Variants in PCDHGA2 observed in about 807,000 individuals in gnomAD.
The protein encoded by PCDHGA2 is protocadherin gamma-A2.
In PCDHGA2, 40 loss-of-function variants were observed where a neutral mutation model predicts 59.2. The observed-to-expected ratio is 0.68, with a 90% CI of 0.52 to 0.88. The LOEUF (loss-of-function observed/expected upper bound fraction) is 0.88. Among genes scored for constraint, PCDHGA2 ranks in the 40% least tolerant of loss-of-function variants. PCDHGA2 has a pLI of 0.00. For missense variants in PCDHGA2, 1,226 were observed against 1,204.0 expected (o/e 1.02, Z -0.27); for synonymous variants, 560 against 526.0 (o/e 1.06, Z -0.89).
chr5:141,491,580 G>A lies in PCDHGA2; in HGVS notation c.2425-3227G>A. 6.2e-7 allele frequency: 1 copy of A among 1,613,942 alleles called. No individual in the cohort carries two copies. Among genetic ancestry groups the A allele is most frequent in the Non-Finnish European group, 8.5e-7 (1 of 1,180,044 alleles). ...ACTGCTACAGGACGTGCTTTTCACC[G>A]GCCTCGGACGGCAGTGACTTCACTT... is the stretch of plus-strand genomic sequence containing the variant. On this transcript the variant is annotated intron_variant, in intron 1 of 3. Coordinates refer to ENST00000394576, the MANE Select transcript of PCDHGA2 (RefSeq NM_018915.4). The surrounding 1 kb of genome is among the most constrained non-coding windows in gnomAD (Gnocchi z 6.9).
In PCDHGA2 at chr5:141,432,782, C is replaced by A. The variant is rs547164205; in HGVS notation, c.2425-62025C>A. 6.2e-7 allele frequency: 1 copy of A among 1,614,164 alleles called. No homozygotes were observed. Among genetic ancestry groups the A allele is most frequent in the African/African-American group, 1.3e-5 (1 of 75,052 alleles). ...CAGCATCCCCCAAGTCCTGGCGGAC[C>A]TCGGCAGCCTCGAGTCTCCAGCTAA... On this transcript the variant is annotated intron_variant, in intron 1 of 3. Coordinates refer to ENST00000394576, the MANE Select transcript of PCDHGA2 (RefSeq NM_018915.4). This position sits in a 1 kb window ranked among gnomAD's most constrained non-coding sequence, Gnocchi z 6.0.
chr5:141,383,108 G>A, intron 1 of PCDHGA2: 2 of 1,614,020 alleles, frequency 1.2e-6, no homozygotes, highest in African/African-American at 2.7e-5. Flanking sequence ...ATCTCCAGAG[G>A]TAGGACGCAG....
chr5:141,345,183 GTTTT>G (rs758420424), intron 1 of PCDHGA2: 3 of 1,614,026 alleles, frequency 1.9e-6, no homozygotes, highest in Non-Finnish European at 2.5e-6. Context: ...GCAGGTTGAA[GTTTT>G]TGTCCTGGGA....
At chr5:141,408,615 T>A in intron 1 of PCDHGA2, 1 of 1,613,940 alleles carries the variant, frequency 6.2e-7, no homozygotes, top group Non-Finnish European at 8.5e-7. Flanking sequence ...AAAAAGGAAA[T>A]ACATTTAGAA....
chr5:141,360,738 CAG>C lies in PCDHGA2; in HGVS notation c.2424+19347_2424+19348del, dbSNP rs754230241. 7.4e-6 allele frequency: 12 copies of C among 1,613,846 alleles called. No individual in the cohort carries two copies. In the Admixed American group the frequency reaches 1.8e-4, roughly 25 times the overall value. On this transcript the variant is annotated intron_variant, in intron 1 of 3. Transcript: ENST00000394576. ...AGTTGATTCTAAAACACTCTCTGGA[CAG>C]AGAAGAGCACAGTTTACATCAATTG...
intron 1 of PCDHGA2, among the ~76,000 whole-genome samples, chr5:141,443,514 C>T (rs1386662758): frequency 6.6e-6 from 1 of 152,056 alleles, no homozygotes; most frequent in Non-Finnish European, 1.5e-5. Flanking sequence ...AAGAGCTTCT[C>T]TCCTTATGAC....
rs1261694629 is a variant in PCDHGA2, at chr5:141,355,817, C to T, written c.2424+14422C>T. 9.9e-6 allele frequency: 16 copies of T among 1,612,766 alleles called. No homozygotes were observed. Among genetic ancestry groups the T allele is most frequent in the African/African-American group, 5.3e-5 (4 of 74,906 alleles). On this transcript the variant is annotated intron_variant, in intron 1 of 3. Coordinates refer to ENST00000394576, the MANE Select transcript of PCDHGA2 (RefSeq NM_018915.4). ...CGCGCTCTAGATCGCGAGGAAGAGGCGGTTCACCACCTCGTTCTCACGGCC... is the reference window on the plus strand; with the variant it reads ...CGCGCTCTAGATCGCGAGGAAGAGGTGGTTCACCACCTCGTTCTCACGGCC...
At chr5:141,438,749 C>T (rs1238134451) in intron 1 of PCDHGA2, among the ~76,000 whole-genome samples, 3 of 149,226 alleles carry the variant, frequency 2.0e-5, no homozygotes, top group African/African-American at 4.9e-5. Context: ...GCAACCTCTG[C>T]CTCCTGGGTT....
intron 1 of PCDHGA2, chr5:141,361,846 G>A (rs1762210359): frequency 1.2e-6 from 2 of 1,612,604 alleles, no homozygotes; most frequent in African/African-American, 1.3e-5. Flanking sequence ...GGGGCCTGAT[G>A]GCTCCGCCCT....
At chr5:141,375,035 G>A (rs541605714) in intron 1 of PCDHGA2, 1 of 1,614,008 alleles carries the variant, frequency 6.2e-7, no homozygotes, top group East Asian at 2.2e-5. Flanking sequence ...TTATGAGCTG[G>A]GTGTTGAAGC....
chr5:141,489,066 C>G lies in PCDHGA2; in HGVS notation c.2425-5741C>G. The stretch of plus-strand genomic sequence containing the variant: ...CACTCAAATTCAGCTCCCCTCCCCC[C>G]TGCCCACCCCCGCCACTCGGTGACT... On this transcript the variant is annotated intron_variant, in intron 1 of 3. Transcript: ENST00000394576. This position sits in a 1 kb window ranked among gnomAD's most constrained non-coding sequence, Gnocchi z 4.5. 1 of 391,132 alleles carries G rather than the reference C, an allele frequency of 2.6e-6. No individual in the cohort carries two copies. Among genetic ancestry groups the G allele is most frequent in the South Asian group, 4.2e-5 (1 of 24,028 alleles). 24.2% of individuals were successfully genotyped at this position (391,132 alleles called of 1,614,324 possible).
At position 141,338,787 on chromosome 5, in the gene PCDHGA2, A is replaced by G; in HGVS notation, c.-185A>G. ...TCCAGCAATACGGCTCCCACAGCACAAGGGGGTGGAGGTTTGGCCCTAAAG... is the reference window on the plus strand; with the variant it reads ...TCCAGCAATACGGCTCCCACAGCACGAGGGGGTGGAGGTTTGGCCCTAAAG... On this transcript the variant is annotated 5_prime_UTR_variant, in exon 1 of 4. Transcript: ENST00000394576. The G allele has an allele frequency of 7.5e-7, 1 of 1,341,854 alleles. No individual in the cohort carries two copies. 83.1% of individuals were successfully genotyped at this position (1,341,854 alleles called of 1,614,324 possible).
rs73265845 is a variant in PCDHGA2, at chr5:141,370,729, A to T, written c.2424+29334A>T. On this transcript the variant is annotated intron_variant, in intron 1 of 3. Coordinates refer to ENST00000394576, the MANE Select transcript of PCDHGA2 (RefSeq NM_018915.4). The stretch of plus-strand genomic sequence containing the variant: ...CTGGAATTTGAAATGGTTGCTGAAA[A>T]GCCTTTAAACTTTTTTCATGTAACT... The T allele has an allele frequency of 1.5e-3, 2,398 of 1,613,868 alleles. 32 individuals are homozygous for T. In the African/African-American group the frequency reaches 0.028, roughly 19 times the overall value.
intron 1 of PCDHGA2, among the ~76,000 whole-genome samples, chr5:141,437,246 C>A (rs897787623): frequency 6.6e-6 from 1 of 152,144 alleles, no homozygotes; most frequent in Non-Finnish European, 1.5e-5. Context: ...CAAGGACTTT[C>A]CTTGTCTTTT....
At chr5:141,363,105 T>C (rs542430438) in intron 1 of PCDHGA2, among the ~76,000 whole-genome samples, 1 of 152,370 alleles carries the variant, frequency 6.6e-6, no homozygotes, top group African/African-American at 2.4e-5. Context: ...CAGGCAATGT[T>C]TGAGGTCTGA....
Position 141,477,060 on chromosome 5 carries a change from C to G in PCDHGA2, c.2425-17747C>G. On this transcript the variant is annotated intron_variant, in intron 1 of 3. Coordinates refer to ENST00000394576, the MANE Select transcript of PCDHGA2 (RefSeq NM_018915.4). The surrounding 1 kb of genome is among the most constrained non-coding windows in gnomAD (Gnocchi z 4.9). ...AAGGGTCGGCTGGACTTCGAGGACA[C>G]CAAACTCCATGAGATTTACATCCAG... The G allele has an allele frequency of 1.2e-6, 2 of 1,614,256 alleles. No individual in the cohort carries two copies. The highest frequency in any genetic ancestry group is 2.2e-5 in the South Asian group (2 of 91,086).
chr5:141,444,710 T>A (rs2098445001), intron 1 of PCDHGA2, among the ~76,000 whole-genome samples: 1 of 152,236 alleles, frequency 6.6e-6, no homozygotes, highest in Admixed American at 6.5e-5. Flanking sequence ...TTCTGTTGAA[T>A]TTGCTTGGTG....
intron 2 of PCDHGA2, among the ~76,000 whole-genome samples, chr5:141,503,570 G>T (rs996006002): frequency 3.4e-4 from 50 of 147,216 alleles, no homozygotes; most frequent in African/African-American, 1.2e-3. Context: ...CTGTACTCCA[G>T]CCTGGGTGAC....
rs576761049 is a variant in PCDHGA2, at chr5:141,372,029, C to T, written c.2424+30634C>T. On this transcript the variant is annotated intron_variant, in intron 1 of 3. Transcript: ENST00000394576. ...AGGGCTCGCCTACGCTCAGCGCCAACGTGAGCCTGCGCGTGTTGGTGGACG... is the reference window on the plus strand; with the variant it reads ...AGGGCTCGCCTACGCTCAGCGCCAATGTGAGCCTGCGCGTGTTGGTGGACG... The T allele has an allele frequency of 2.7e-5, 43 of 1,613,442 alleles. No individual in the cohort carries two copies. The African/African-American group carries it at 4.3e-4, about 16-fold the overall frequency.
Sources: allele counts gnomAD v4.1 joint callset (sites outside exome capture counted in the v4.1 genomes callset), GRCh38; gene constraint gnomAD v4.1.1; non-coding constraint Gnocchi (gnomAD v3.1); transcripts MANE v1.5; gene names NCBI Gene and HGNC (gene_info 2026-07-23, HGNC 2026-07-21).